The following WDR89 variants were observed in gnomAD, a reference collection of about 807,000 sequenced individuals.
WDR89 encodes the protein WD repeat-containing protein 89.
A neutral mutation model predicts 29.1 loss-of-function variants in WDR89; 17 were observed. The ratio of observed to expected loss-of-function variants is 0.58; its 90% CI spans 0.40 to 0.88. The LOEUF (loss-of-function observed/expected upper bound fraction) is 0.88, where lower values mean the gene tolerates loss of function less well. Ranked by LOEUF, WDR89 falls within the 40% of genes least tolerant of loss-of-function variation. The pLI is 0.00. For synonymous variants in WDR89, 138 were observed against 157.8 expected, an observed-to-expected ratio of 0.87 and a Z score of 0.94; for missense variants, 396 against 456.3, an observed-to-expected ratio of 0.87 and a Z score of 1.20.
chr14:63,637,165 TCAA>T (rs1883786355), intron 1 of WDR89, among the ~76,000 whole-genome samples: 1 of 152,084 alleles, frequency 6.6e-6, no homozygotes, highest in Non-Finnish European at 1.5e-5. Context: ...GAAAAAATGC[TCAA>T]CATCACTAAT....
chr14:63,641,005 G>A (rs1202688052), intron 1 of WDR89, among the ~76,000 whole-genome samples: 2 of 149,332 alleles, frequency 1.3e-5, no homozygotes, highest in Non-Finnish European at 3.0e-5. Context: ...GGCTGAGGCT[G>A]GAGAATCGCT....
intron 1 of WDR89, among the ~76,000 whole-genome samples, chr14:63,626,618 G>A (rs1348515838): frequency 1.5e-5 from 2 of 130,248 alleles, no homozygotes; most frequent in Non-Finnish European, 3.1e-5. Context: ...GGCAGAGGTT[G>A]CAGTGAGCCA....
chr14:63,640,917 G>A (rs1884075045), intron 1 of WDR89, among the ~76,000 whole-genome samples: 1 of 150,212 alleles, frequency 6.7e-6, no homozygotes, highest in African/African-American at 2.4e-5. Context: ...GACCAGTATG[G>A]TGAAATCCCG....
At chr14:63,622,442 G>A (rs184345381) in intron 2 of WDR89, among the ~76,000 whole-genome samples, 5 of 152,282 alleles carry the variant, frequency 3.3e-5, no homozygotes, top group Admixed American at 1.3e-4. Context: ...TTAACTGGGC[G>A]TGGTGGCACA....
intron 2 of WDR89, among the ~76,000 whole-genome samples, chr14:63,618,840 A>C (rs930030082): frequency 1.3e-5 from 2 of 152,210 alleles, no homozygotes; most frequent in Non-Finnish European, 2.9e-5. Context: ...TCTCATAAAA[A>C]ATCTGAAGAA....
rs1894904576 is a variant in WDR89 at position 63,598,809 on chromosome 14, A to G, written c.1134T>C (p.Asn378=). ...SVHQRVRVHS[N]DSYKRRKKQ ...GCTTTTTCCTTCTTTTATAAGAATC[A>G]TTACTATGAACTCGTACTCGTTGGT... is the stretch of plus-strand genomic sequence containing the variant. The change falls in exon 3 of 3, where the codon AAT becomes AAC. Residue 378 remains asparagine, a synonymous_variant. Coordinates refer to ENST00000620954, the MANE Select transcript of WDR89 (RefSeq NM_080666.4). 1.3e-6 allele frequency: 2 copies of G among 1,595,956 alleles called. No individual in the cohort carries two copies. Among genetic ancestry groups the G allele is most frequent in the Non-Finnish European group, 1.7e-6 (2 of 1,171,618 alleles).
In WDR89 at chr14:63,627,162, T is replaced by A. The variant is rs916518496; in HGVS notation, c.-137-2129A>T. Among the ~76,000 whole-genome samples the A allele has an allele frequency of 3.3e-3, 466 of 140,594 alleles. 5 individuals are homozygous for A. Among genetic ancestry groups the A allele is most frequent in the African/African-American group, 0.011 (417 of 36,892 alleles). The allele number at this position is 140,594 out of a possible 152,430, so 92.2% of individuals were successfully genotyped here. On this transcript the variant is annotated intron_variant, in intron 1 of 2. Transcript: ENST00000620954. ...CACACACACACACACTCTCTCTCTC[T>A]CTCTCTCTCTCTCTCTCTCTCCTCT...
intron 1 of WDR89, among the ~76,000 whole-genome samples, chr14:63,637,388 T>C (rs977124118): frequency 7.2e-5 from 11 of 151,796 alleles, no homozygotes; most frequent in African/African-American, 2.4e-4. Flanking sequence ...AGAACTAACA[T>C]TTGATCCAGC....
chr14:63,600,717 C>CAAAAAAAAA (rs56059698), intron 2 of WDR89, among the ~76,000 whole-genome samples: 14 of 36,206 alleles, frequency 3.9e-4, no homozygotes, highest in African/African-American at 7.6e-4. Flanking sequence ...GATATGTAGG[C>CAAAAAAAAA]AAAAAAAAAA....
chr14:63,632,165 A>T (rs1198743999), intron 1 of WDR89, among the ~76,000 whole-genome samples: 1 of 151,992 alleles, frequency 6.6e-6, no homozygotes, highest in African/African-American at 2.4e-5. Flanking sequence ...TAAATCCAAA[A>T]ATCAAGAAAA....
At chr14:63,626,030 C>A (rs540676393) in intron 1 of WDR89, among the ~76,000 whole-genome samples, 3 of 151,708 alleles carry the variant, frequency 2.0e-5, no homozygotes, top group African/African-American at 7.3e-5. Context: ...ATTTTTGTAT[C>A]TTTAGTAGAG....
Position 63,599,204 on chromosome 14 carries a change from T to C in WDR89, c.739A>G (p.Asn247Asp). The C allele has an allele frequency of 6.2e-7, 1 of 1,606,518 alleles. No individual in the cohort carries two copies. Among genetic ancestry groups the C allele is most frequent in the Non-Finnish European group, 8.5e-7 (1 of 1,175,088 alleles). Reference sequence around the variant, plus strand: ...ACTGGTTCATCAGTGTCCAGATGATTAAGATCCCACCAATAAAATCCTTCA... The same window carrying C: ...ACTGGTTCATCAGTGTCCAGATGATCAAGATCCCACCAATAAAATCCTTCA... Reference protein sequence around the residue: ...HDEGFYWWDLNHLDTDEPVTR... With the variant: ...HDEGFYWWDLDHLDTDEPVTR... The change falls in exon 3 of 3, where the codon AAT becomes GAT. Residue 247 changes from asparagine to aspartate, a missense_variant. By Grantham distance (23) the Asn-to-Asp change is conservative. Coordinates refer to ENST00000620954, the MANE Select transcript of WDR89 (RefSeq NM_080666.4).
At chr14:63,611,580 T>C (rs1283676442) in intron 2 of WDR89, among the ~76,000 whole-genome samples, 2 of 152,060 alleles carry the variant, frequency 1.3e-5, no homozygotes, top group Non-Finnish European at 2.9e-5. Flanking sequence ...TATTCCAATG[T>C]TAATTTCTTA....
chr14:63,607,735 G>A (rs560195893), intron 2 of WDR89, among the ~76,000 whole-genome samples: 6 of 151,042 alleles, frequency 4.0e-5, no homozygotes, highest in East Asian at 2.0e-4. Flanking sequence ...TACAAAATTA[G>A]CCAGGTGTGG....
At chr14:63,639,568 T>C (rs189180283) in intron 1 of WDR89, among the ~76,000 whole-genome samples, 1 of 152,178 alleles carries the variant, frequency 6.6e-6, no homozygotes, top group Non-Finnish European at 1.5e-5. Flanking sequence ...AGTTTGGCGA[T>C]AATCTGTACA....
At chr14:63,615,469 C>CA (rs997290472) in intron 2 of WDR89, among the ~76,000 whole-genome samples, 52 of 151,450 alleles carry the variant, frequency 3.4e-4, no homozygotes, top group African/African-American at 1.1e-3. Flanking sequence ...TTAATAACTG[C>CA]AAAAAAAATG....
Position 63,641,808 on chromosome 14 carries a change from G to C in WDR89, c.-142C>G, listed in dbSNP as rs1236595551. ...GCCTGGCCCAGCAAAATGTACCTTA[G>C]TAGCCTCAACCTGTACCGGAGAAAA... On this transcript the variant is annotated 5_prime_UTR_variant, in exon 1 of 3. Transcript: ENST00000620954. 6.6e-6 allele frequency: 1 copy of C among 152,518 alleles called. No homozygotes were observed. The highest frequency in any genetic ancestry group is 2.4e-5 in the African/African-American group (1 of 41,474). The allele number at this position is 152,518 out of a possible 1,614,324, so 9.4% of individuals were successfully genotyped here. A position where few individuals can be genotyped will look rare whatever the true frequency, so the allele number is the denominator to read the frequency against.
chr14:63,607,010 C>T (rs577165245), intron 2 of WDR89, among the ~76,000 whole-genome samples: 1 of 152,192 alleles, frequency 6.6e-6, no homozygotes, highest in South Asian at 2.1e-4. Context: ...CAGGGATATG[C>T]CCATGAGGCT....
chr14:63,619,897 C>T (rs1882571762), intron 2 of WDR89, among the ~76,000 whole-genome samples: 1 of 149,612 alleles, frequency 6.7e-6, no homozygotes, highest in South Asian at 2.1e-4. Flanking sequence ...CCAAGCTACT[C>T]AGGAAGCTGA....
Sources: gnomAD v4.1 joint callset for allele counts (sites outside exome capture counted in the v4.1 genomes callset) on GRCh38, gnomAD v4.1.1 for gene constraint, MANE v1.5 for transcripts, NCBI Gene and HGNC (gene_info 2026-07-23, HGNC 2026-07-21) for gene names.